The following CDH18 variants were observed in gnomAD, a reference collection of about 807,000 sequenced individuals.
CDH18 encodes cadherin 18, also known as cadherin-18.
In CDH18, 31 loss-of-function variants were observed where a neutral mutation model predicts 67.9. That is an observed-to-expected ratio of 0.46 (90% confidence interval 0.34 to 0.62). The LOEUF is 0.62. CDH18 is among the 20% of genes least tolerant of loss of function. CDH18 has a pLI of 0.01. For missense variants in CDH18, 890 were observed against 975.5 expected (o/e 0.91, Z 1.17); for synonymous variants, 362 against 347.2 (o/e 1.04, Z -0.48).
At chr5:19,929,607 C>T (rs1442930185) in intron 2 of CDH18, among the ~76,000 whole-genome samples, 1 of 151,906 alleles carries the variant, frequency 6.6e-6, no homozygotes, top group Non-Finnish European at 1.5e-5. Flanking sequence ...TGTTATGCCT[C>T]CCTAATAATA....
At chr5:20,165,070 A>G (rs115089692) in intron 2 of CDH18, among the ~76,000 whole-genome samples, 4,900 of 152,240 alleles carry the variant, frequency 0.032, 262 homozygotes, top group African/African-American at 0.11. Flanking sequence ...CATACAATTT[A>G]AATCCATTTT....
chr5:19,594,474 T>C (rs1303805311), intron 6 of CDH18, among the ~76,000 whole-genome samples: 3 of 152,130 alleles, frequency 2.0e-5, no homozygotes, highest in African/African-American at 7.2e-5. Flanking sequence ...ACTATCCTTT[T>C]CTCATTGTGT....
At chr5:19,944,614 T>C (rs777870579) in intron 2 of CDH18, among the ~76,000 whole-genome samples, 3 of 152,182 alleles carry the variant, frequency 2.0e-5, no homozygotes, top group Admixed American at 6.6e-5. Flanking sequence ...AATATCATTG[T>C]TGAAAATGAG....
intron 5 of CDH18, among the ~76,000 whole-genome samples, chr5:19,697,184 T>C (rs986370057): frequency 2.0e-5 from 3 of 152,212 alleles, no homozygotes; most frequent in Non-Finnish European, 4.4e-5. Flanking sequence ...TGTTCTGTGT[T>C]CTAAAAATAT....
chr5:20,242,508 G>A (rs1743008994), intron 2 of CDH18, among the ~76,000 whole-genome samples: 1 of 148,644 alleles, frequency 6.7e-6, no homozygotes, highest in African/African-American at 2.5e-5. Context: ...CTGTAATACT[G>A]TCTCTCAGAT....
intron 2 of CDH18, among the ~76,000 whole-genome samples, chr5:20,210,446 G>A (rs1427814317): frequency 6.6e-6 from 1 of 151,900 alleles, no homozygotes; most frequent in Non-Finnish European, 1.5e-5. Context: ...TGTCCATAGA[G>A]CTTACAAGAA....
At chr5:19,553,052 C>T (rs1383570042) in intron 8 of CDH18, among the ~76,000 whole-genome samples, 1 of 151,962 alleles carries the variant, frequency 6.6e-6, no homozygotes, top group Non-Finnish European at 1.5e-5. Flanking sequence ...AAATTTATGA[C>T]CATAGTAAAA....
intron 3 of CDH18, among the ~76,000 whole-genome samples, chr5:19,823,343 T>C (rs948625474): frequency 1.3e-5 from 2 of 152,180 alleles, no homozygotes; most frequent in Admixed American, 6.6e-5. Flanking sequence ...TAAGTGTCCA[T>C]GAAATCTTCA....
chr5:20,257,794 A>G (rs1744359773), intron 1 of CDH18, among the ~76,000 whole-genome samples: 1 of 152,120 alleles, frequency 6.6e-6, no homozygotes, highest in South Asian at 2.1e-4. Flanking sequence ...TCGAAATCAC[A>G]CTATCTTGTC....
intron 5 of CDH18, among the ~76,000 whole-genome samples, chr5:19,658,156 A>C (rs1756654951): frequency 1.3e-5 from 2 of 152,046 alleles, no homozygotes; most frequent in Admixed American, 6.6e-5. Flanking sequence ...TTTCTTGTAC[A>C]TTTTTAAAAT....
At chr5:20,301,007 T>G (rs184423875) in intron 1 of CDH18, among the ~76,000 whole-genome samples, 3 of 151,906 alleles carry the variant, frequency 2.0e-5, no homozygotes, top group Admixed American at 6.5e-5. Context: ...CTTTGGAGCC[T>G]GAACAAAAGA....
Position 19,757,473 on chromosome 5 carries a change from G to C in CDH18, c.229-10237C>G, listed in dbSNP as rs143121034. Among the ~76,000 whole-genome samples the C allele has an allele frequency of 6.3e-3, 957 of 152,282 alleles. 4 individuals are homozygous for C. The highest frequency in any genetic ancestry group is 0.012 in the South Asian group (57 of 4,816). ...GACGTCCATGTTGCTGAGCCCATGT[G>C]TAACCTCCATCCCTGCCAACATGGC... On this transcript the variant is annotated intron_variant, in intron 3 of 12. Transcript: ENST00000382275.
chr5:19,634,771 C>T (rs1372331952), intron 5 of CDH18, among the ~76,000 whole-genome samples: 1 of 151,760 alleles, frequency 6.6e-6, no homozygotes, highest in African/African-American at 2.4e-5. Flanking sequence ...AACTCTGTCT[C>T]TACTAAAAAT....
At chr5:20,324,107 C>T (rs73763357) in intron 1 of CDH18, among the ~76,000 whole-genome samples, 16,473 of 152,038 alleles carry the variant, frequency 0.11, 1,444 homozygotes, top group East Asian at 0.36. Context: ...TATACTACAT[C>T]GATTTAAAAG....
intron 2 of CDH18, among the ~76,000 whole-genome samples, chr5:19,975,000 T>C (rs1798369542): frequency 6.6e-6 from 1 of 152,120 alleles, no homozygotes; most frequent in Non-Finnish European, 1.5e-5. Flanking sequence ...AATATCTACC[T>C]ACACTCCTGT....
intron 3 of CDH18, among the ~76,000 whole-genome samples, chr5:19,808,533 CAT>C (rs1778278815): frequency 1.3e-5 from 2 of 151,918 alleles, no homozygotes; most frequent in South Asian, 4.2e-4. Context: ...TGTTGAAATA[CAT>C]CAGTCTAAGC....
At chr5:19,551,284 T>A (rs1737407167) in intron 8 of CDH18, among the ~76,000 whole-genome samples, 1 of 152,208 alleles carries the variant, frequency 6.6e-6, no homozygotes, top group Non-Finnish European at 1.5e-5. Flanking sequence ...ATTCTTTCTC[T>A]CTGTGTACAA....
chr5:19,543,445 G>A (rs191476875), intron 9 of CDH18, among the ~76,000 whole-genome samples: 1 of 152,166 alleles, frequency 6.6e-6, no homozygotes, highest in Admixed American at 6.5e-5. Context: ...TTTGAAACTT[G>A]AGCAGAGGTA....
At chr5:20,483,043 C>G (rs1002139044) in intron 1 of CDH18, among the ~76,000 whole-genome samples, 1 of 152,030 alleles carries the variant, frequency 6.6e-6, no homozygotes, top group African/African-American at 2.4e-5. Context: ...TCAACCAAAA[C>G]TATTAGAAAT....
Sources: gnomAD v4.1 joint callset for allele counts (sites outside exome capture counted in the v4.1 genomes callset) on GRCh38, gnomAD v4.1.1 for gene constraint, MANE v1.5 for transcripts, NCBI Gene and HGNC (gene_info 2026-07-23, HGNC 2026-07-21) for gene names.